SLC25A40: variants seen among roughly 807,000 people sequenced by gnomAD.
SLC25A40 encodes the protein solute carrier family 25 member 40, also known as mitochondrial glutathione transporter SLC25A40.
In SLC25A40, 41 loss-of-function variants were observed where a neutral mutation model predicts 46.5. That is an observed-to-expected ratio of 0.88 (90% CI 0.69 to 1.14). SLC25A40 has a LOEUF of 1.14. Among genes scored for constraint, SLC25A40 ranks in the 50% most tolerant of loss-of-function variants. The pLI, the probability that SLC25A40 is intolerant of heterozygous loss-of-function variation, is 0.00. For synonymous variants in SLC25A40, 126 were observed against 127.5 expected, an observed-to-expected ratio of 0.99 and a Z score of 0.08; for missense variants, 386 against 393.6, an observed-to-expected ratio of 0.98 and a Z score of 0.16.
In SLC25A40 at chr7:87,836,031, ATGG is replaced by A; in HGVS notation, c.*215_*217del. The A allele has an allele frequency of 2.5e-6, 1 of 405,146 alleles. No individual in the cohort carries two copies. The highest frequency in any genetic ancestry group is 4.3e-6 in the Non-Finnish European group (1 of 231,288). 25.1% of individuals were successfully genotyped at this position (405,146 alleles called of 1,614,324 possible). ...TAATCTATTTTTACAAGAATGCTCAATGGTGGTGATTTCTAGAATATCTTTTTC... is the reference window on the plus strand; with the variant it reads ...TAATCTATTTTTACAAGAATGCTCAATGGTGATTTCTAGAATATCTTTTTC... On this transcript the variant is annotated 3_prime_UTR_variant, in exon 12 of 12. Transcript: ENST00000341119.
intron 8 of SLC25A40, among the ~76,000 whole-genome samples, chr7:87,846,154 ATAGG>A (rs1838415199): frequency 6.6e-6 from 1 of 152,194 alleles, no homozygotes; most frequent in Non-Finnish European, 1.5e-5. Flanking sequence ...ATTTTCAAAA[ATAGG>A]TTAAACTAAA....
intron 5 of SLC25A40, among the ~76,000 whole-genome samples, chr7:87,852,186 C>T (rs1454699465): frequency 6.6e-6 from 1 of 152,064 alleles, no homozygotes; most frequent in African/African-American, 2.4e-5. Flanking sequence ...CCAATAAATA[C>T]CCTGGCAATA....
At chr7:87,851,785 T>G (rs1193931532) in intron 5 of SLC25A40, among the ~76,000 whole-genome samples, 1 of 152,094 alleles carries the variant, frequency 6.6e-6, no homozygotes, top group African/African-American at 2.4e-5. Flanking sequence ...CATCCTTTCT[T>G]CCCCATGGAA....
chr7:87,847,827 A>G, intron 7 of SLC25A40, 26 bp downstream of exon 7: 1 of 1,584,298 alleles, frequency 6.3e-7, no homozygotes, highest in Non-Finnish European at 8.5e-7. Flanking sequence ...CAGAAATCAA[A>G]ATGAAAATAA....
intron 1 of SLC25A40, among the ~76,000 whole-genome samples, chr7:87,874,020 G>C (rs949926759): frequency 5.3e-5 from 8 of 152,128 alleles, no homozygotes; most frequent in African/African-American, 1.9e-4. Flanking sequence ...CAACAGACCT[G>C]ATTACTGGAC....
At position 87,834,767 on chromosome 7, in the gene SLC25A40, G is replaced by A. The variant is rs952837016; in HGVS notation, c.*1482C>T. 10 of 151,374 alleles carry A rather than the reference G, an allele frequency of 6.6e-5. No homozygotes were observed. The highest frequency in any genetic ancestry group is 1.9e-4 in the African/African-American group (8 of 41,298). The allele number at this position is 151,374 out of a possible 1,614,324, so 9.4% of individuals were successfully genotyped here. Reference sequence around the variant, plus strand: ...GTATAGCATTATACAATGATTTTACGTAAAAATATTTAGAAGCACAGTGAT... The same window carrying A: ...GTATAGCATTATACAATGATTTTACATAAAAATATTTAGAAGCACAGTGAT... On this transcript the variant is annotated 3_prime_UTR_variant, in exon 12 of 12. Transcript: ENST00000341119.
In SLC25A40 at chr7:87,836,322, G is replaced by T; in HGVS notation, c.944C>A (p.Ala315Asp). ...PRLIKIAPACAIMISTYEFGK... is the reference protein window; with the variant it reads ...PRLIKIAPACDIMISTYEFGK... ...AAATTCATATGTACTGATCATAATG[G>T]CACAAGCAGGAGCAATTTTAATTAA... Residue 315 changes from alanine (A) to aspartate (D), a missense_variant, in exon 12 of 12, where the codon GCC becomes GAC. Ala to Asp is a moderately radical substitution (Grantham distance 126). Coordinates refer to ENST00000341119, the MANE Select transcript of SLC25A40 (RefSeq NM_018843.4). The T allele has an allele frequency of 2.6e-6, 4 of 1,561,806 alleles. No individual in the cohort carries two copies. The highest frequency in any genetic ancestry group is 3.5e-6 in the Non-Finnish European group (4 of 1,158,880).
intron 1 of SLC25A40, among the ~76,000 whole-genome samples, chr7:87,861,029 A>C (rs1838690387): frequency 6.6e-6 from 1 of 152,158 alleles, no homozygotes; most frequent in Non-Finnish European, 1.5e-5. Context: ...GCGAACCTTT[A>C]ATCTGAATCG....
intron 10 of SLC25A40, 54 bp from the exon 11 acceptor site, chr7:87,836,864 C>T: frequency 9.1e-7 from 1 of 1,100,386 alleles, no homozygotes; most frequent in Non-Finnish European, 1.3e-6. Context: ...TTAATAATTC[C>T]TACTACAGAT....
At chr7:87,863,184 A>T (rs28581911) in intron 1 of SLC25A40, among the ~76,000 whole-genome samples, 5 of 152,024 alleles carry the variant, frequency 3.3e-5, no homozygotes, top group African/African-American at 4.8e-5. Flanking sequence ...TCCATTTTTT[A>T]AAAAAATACT....
intron 1 of SLC25A40, among the ~76,000 whole-genome samples, chr7:87,871,402 T>C (rs1218201629): frequency 6.6e-6 from 1 of 152,196 alleles, no homozygotes; most frequent in East Asian, 1.9e-4. Flanking sequence ...TGGTTGAGCC[T>C]TGAGATAAAT....
intron 6 of SLC25A40, among the ~76,000 whole-genome samples, chr7:87,848,410 A>G (rs998024513): frequency 1.3e-5 from 2 of 152,142 alleles, no homozygotes; most frequent in Non-Finnish European, 2.9e-5. Context: ...CTAAATAAAT[A>G]AATAAATAAA....
chr7:87,875,305 C>T (rs951280755), intron 1 of SLC25A40, among the ~76,000 whole-genome samples: 1 of 152,192 alleles, frequency 6.6e-6, no homozygotes, highest in Non-Finnish European at 1.5e-5. Flanking sequence ...TCAACATAAA[C>T]CTGTCTAAAA....
intron 7 of SLC25A40, 97 bp from the exon 8 acceptor site, chr7:87,847,219 T>G (rs1838435460): frequency 1.0e-6 from 1 of 982,600 alleles, no homozygotes; most frequent in Non-Finnish European, 1.4e-6. Flanking sequence ...ATTTTATATT[T>G]TAAACTTTTA....
rs1452354650 is a variant in SLC25A40, at chr7:87,861,882, ATAGT to A, written c.-93-1246_-93-1243del. ...AGAAATTTAGATATAACTTTTTAGA[ATAGT>A]TAATGAAATTGTTTCATAACATATA... On this transcript the variant is annotated intron_variant, in intron 1 of 11. Coordinates refer to ENST00000341119, the MANE Select transcript of SLC25A40 (RefSeq NM_018843.4). Among the ~76,000 whole-genome samples the A allele has an allele frequency of 1.3e-4, 20 of 152,144 alleles. No homozygotes were observed. In the South Asian group the frequency reaches 2.1e-3, roughly 16 times the overall value.
At chr7:87,875,860 CCT>C (rs1315815833) in intron 1 of SLC25A40, among the ~76,000 whole-genome samples, 2 of 152,208 alleles carry the variant, frequency 1.3e-5, no homozygotes, top group Non-Finnish European at 2.9e-5. Context: ...CCGGGGCCGC[CCT>C]CACTCCCGCA....
intron 2 of SLC25A40, chr7:87,860,224 C>A (rs537969251): frequency 2.6e-5 from 4 of 151,942 alleles, no homozygotes; most frequent in Admixed American, 6.6e-5. Flanking sequence ...ACAAAAAAAA[C>A]GTCATACAAA....
Position 87,847,850 on chromosome 7 carries a change from C to T in SLC25A40, c.457+3G>A, listed in dbSNP as rs372254720. Reference sequence around the variant, plus strand: ...AAAATGAAAATAAAGATTTATTACTCACATCTGGCTACAATTCCAGCAACA... The same window carrying T: ...AAAATGAAAATAAAGATTTATTACTTACATCTGGCTACAATTCCAGCAACA... On this transcript the variant is annotated splice_donor_region_variant and intron_variant, in intron 7 of 11. Transcript: ENST00000341119. The T allele has an allele frequency of 3.8e-6, 6 of 1,595,952 alleles. No homozygotes were observed. The African/African-American group carries it at 4.1e-5, about 11-fold the overall frequency.
Position 87,843,765 on chromosome 7 carries a change from A to T in SLC25A40, c.730T>A (p.Leu244Met). 1 of 1,605,054 alleles carries T rather than the reference A, an allele frequency of 6.2e-7. No individual in the cohort carries two copies. Among genetic ancestry groups the T allele is most frequent in the Non-Finnish European group, 8.5e-7 (1 of 1,173,470 alleles). The change falls in exon 9 of 12, where the codon TTG (leucine) becomes ATG (methionine). Residue 244 changes from leucine to methionine, a missense_variant. Transcript: ENST00000341119. Reference protein sequence around the residue: ...TFMINFTSGALSGSFAAVATL... With the variant: ...TFMINFTSGAMSGSFAAVATL... Reference sequence around the variant, plus strand: ...AAGAATAAACTTACAGAACCAGACAATGCCCCTGAAGTAAAGTTGATCATA... The same window carrying T: ...AAGAATAAACTTACAGAACCAGACATTGCCCCTGAAGTAAAGTTGATCATA...
Sources: allele counts gnomAD v4.1 joint callset (sites outside exome capture counted in the v4.1 genomes callset), GRCh38; gene constraint gnomAD v4.1.1; transcripts MANE v1.5; gene names NCBI Gene and HGNC (gene_info 2026-07-23, HGNC 2026-07-21).